PMS1: variants seen among roughly 807,000 people sequenced by gnomAD.
The protein encoded by PMS1 is PMS1 protein homolog 1.
Under a neutral mutation model 93.1 loss-of-function variants are expected in PMS1, and 79 were observed. The ratio of observed to expected loss-of-function variants is 0.85; its 90% CI spans 0.71 to 1.02. The LOEUF (loss-of-function observed/expected upper bound fraction) is 1.02, where lower values mean the gene tolerates loss of function less well. Ranked by LOEUF, PMS1 falls within the 50% of genes least tolerant of loss-of-function variation. PMS1 has a pLI of 0.00. For synonymous variants in PMS1, 335 were observed against 363.4 expected (o/e 0.92, Z 0.89); for missense variants, 1,064 against 1,085.3 (o/e 0.98, Z 0.28).
At chr2:189,849,133 T>G (rs920380562) in intron 6 of PMS1, among the ~76,000 whole-genome samples, 1 of 152,054 alleles carries the variant, frequency 6.6e-6, no homozygotes, top group Non-Finnish European at 1.5e-5. Flanking sequence ...GGACCCCACA[T>G]GGGAAGAACT....
intron 5 of PMS1, among the ~76,000 whole-genome samples, chr2:189,820,336 G>A (rs1433280074): frequency 6.6e-6 from 1 of 151,226 alleles, no homozygotes; most frequent in African/African-American, 2.4e-5. Flanking sequence ...AGAGGGTCTC[G>A]TTCTGTCACC....
At chr2:189,824,694 T>C (rs1008432097) in intron 5 of PMS1, among the ~76,000 whole-genome samples, 6 of 152,090 alleles carry the variant, frequency 3.9e-5, no homozygotes, top group African/African-American at 1.4e-4. Context: ...TTTTTAAAAG[T>C]CTTTTTGTAA....
intron 3 of PMS1, among the ~76,000 whole-genome samples, chr2:189,799,141 G>T (rs1161826372): frequency 6.6e-6 from 1 of 152,100 alleles, no homozygotes; most frequent in African/African-American, 2.4e-5. Context: ...GTGGCCTTGA[G>T]TATAAATAAA....
intron 1 of PMS1, chr2:189,791,573 C>T (rs925016715): frequency 2.4e-5 from 10 of 419,898 alleles, no homozygotes; most frequent in South Asian, 1.5e-4. Flanking sequence ...GTCGAGATCA[C>T]GCCACTGCAC....
Position 189,877,461 on chromosome 2 carries a change from T to A in PMS1, c.*25T>A, listed in dbSNP as rs1261435447. 1 of 1,536,664 alleles carries A rather than the reference T, an allele frequency of 6.5e-7. No homozygotes were observed. Among genetic ancestry groups the A allele is most frequent in the Admixed American group, 1.7e-5 (1 of 59,762 alleles). On this transcript the variant is annotated 3_prime_UTR_variant, in exon 13 of 13. Coordinates refer to ENST00000441310, the MANE Select transcript of PMS1 (RefSeq NM_000534.5). ...ATTAAATATGTTTAAGAAGATTAGT[T>A]ACCATTGAAATTGGTTCTGTCATAA...
intron 1 of PMS1, 122 bp from the exon 2 acceptor site, chr2:189,791,668 G>C: frequency 1.4e-6 from 1 of 690,722 alleles, no homozygotes; most frequent in Non-Finnish European, 2.6e-6. Context: ...GCTAACAGTT[G>C]AGCGTAGCAT....
intron 9 of PMS1, among the ~76,000 whole-genome samples, chr2:189,861,604 C>G (rs2056011544): frequency 6.6e-6 from 1 of 151,892 alleles, no homozygotes; most frequent in Admixed American, 6.6e-5. Flanking sequence ...ACAAAATTAG[C>G]CAGGGGTGGT....
chr2:189,790,222 CATT>C (rs546706562), intron 1 of PMS1, among the ~76,000 whole-genome samples: 8 of 152,262 alleles, frequency 5.3e-5, no homozygotes, highest in East Asian at 3.9e-4. Context: ...TTGAAAAAGA[CATT>C]ATAATTCATC....
At chr2:189,826,988 A>G (rs918965100) in intron 5 of PMS1, among the ~76,000 whole-genome samples, 1 of 152,164 alleles carries the variant, frequency 6.6e-6, no homozygotes, top group Non-Finnish European at 1.5e-5. Flanking sequence ...TTTAGGGAGT[A>G]TATTTTCACT....
intron 3 of PMS1, among the ~76,000 whole-genome samples, chr2:189,803,351 G>A (rs1043877222): frequency 1.3e-5 from 2 of 152,076 alleles, no homozygotes; most frequent in Non-Finnish European, 1.5e-5. Flanking sequence ...ATGATACTGC[G>A]ATTTCTTGAA....
At chr2:189,787,579 AATTAAG>A (rs1240109187) in intron 1 of PMS1, among the ~76,000 whole-genome samples, 33 of 142,924 alleles carry the variant, frequency 2.3e-4, no homozygotes, top group African/African-American at 8.1e-4. Flanking sequence ...CCAAATACGT[AATTAAG>A]ATTAACTTCA....
At chr2:189,871,761 G>T (rs2057168593) in intron 11 of PMS1, among the ~76,000 whole-genome samples, 1 of 152,150 alleles carries the variant, frequency 6.6e-6, no homozygotes, top group South Asian at 2.1e-4. Context: ...TAGTTTGTTT[G>T]TGTTGCTATA....
chr2:189,793,929 G>A (rs1443756149), intron 2 of PMS1, among the ~76,000 whole-genome samples: 1 of 152,024 alleles, frequency 6.6e-6, no homozygotes, highest in Non-Finnish European at 1.5e-5. Flanking sequence ...ACAAATCTTT[G>A]TGTTCTTATT....
In PMS1 at chr2:189,855,119, A is replaced by G. The variant is rs2055173542; in HGVS notation, c.1847A>G (p.Glu616Gly). 6.2e-7 allele frequency: 1 copy of G among 1,612,828 alleles called. No individual in the cohort carries two copies. Among genetic ancestry groups the G allele is most frequent in the Non-Finnish European group, 8.5e-7 (1 of 1,179,164 alleles). The change falls in exon 9 of 13, where the codon GAA (glutamate) becomes GGA (glycine). Residue 616 changes from glutamate to glycine, a missense_variant. Coordinates refer to ENST00000441310, the MANE Select transcript of PMS1 (RefSeq NM_000534.5). ...CTGTGGAAGACATTGAGTGAAGAGG[A>G]AAAACTGAAGTAAGTTTCCAGAGCT... Reference protein sequence around the residue: ...EELWKTLSEEEKLKYEEKATK... With the variant: ...EELWKTLSEEGKLKYEEKATK...
chr2:189,837,299 AT>A (rs1243470117), intron 5 of PMS1, among the ~76,000 whole-genome samples: 8 of 144,618 alleles, frequency 5.5e-5, no homozygotes, highest in South Asian at 2.2e-4. Context: ...CTAATTTTTT[AT>A]TTTTTTTTTA....
chr2:189,864,364 A>G (rs1362507061), intron 10 of PMS1, 136 bp downstream of exon 10: 1 of 763,918 alleles, frequency 1.3e-6, no homozygotes, highest in Admixed American at 2.0e-5. Flanking sequence ...TCTTTTAAAC[A>G]TTTGATTTCT....
At chr2:189,807,400 T>G (rs931362811) in intron 4 of PMS1, among the ~76,000 whole-genome samples, 1 of 152,218 alleles carries the variant, frequency 6.6e-6, no homozygotes, top group African/African-American at 2.4e-5. Context: ...ACAGAAGGCA[T>G]TTTTAAAATA....
chr2:189,840,498 G>T (rs2053735067), intron 5 of PMS1, among the ~76,000 whole-genome samples: 1 of 152,134 alleles, frequency 6.6e-6, no homozygotes, highest in South Asian at 2.1e-4. Flanking sequence ...GCAACTTTAG[G>T]CTAAACTTAA....
chr2:189,795,859 A>T lies in PMS1; in HGVS notation c.223A>T (p.Thr75Ser), dbSNP rs902001045. The T allele has an allele frequency of 6.2e-7, 1 of 1,613,052 alleles. No homozygotes were observed. Among genetic ancestry groups the T allele is most frequent in the Admixed American group, 1.7e-5 (1 of 60,014 alleles). Residue 75 changes from threonine (T) to serine (S), a missense_variant, in exon 3 of 13, where the codon ACC becomes TCC. Physicochemically the swap from Thr to Ser is moderately conservative, Grantham distance 58. Coordinates refer to ENST00000441310, the MANE Select transcript of PMS1 (RefSeq NM_000534.5). ...DAPVMAMKYY[T>S]SKINSHEDLE... Reference sequence around the variant, plus strand: ...ACCTGTAATGGCAATGAAGTACTACACCTCAAAAATAAATAGTCATGAAGA... The same window carrying T: ...ACCTGTAATGGCAATGAAGTACTACTCCTCAAAAATAAATAGTCATGAAGA...
Sources: allele counts gnomAD v4.1 joint callset (sites outside exome capture counted in the v4.1 genomes callset), GRCh38; gene constraint gnomAD v4.1.1; transcripts MANE v1.5; gene names NCBI Gene and HGNC (gene_info 2026-07-23, HGNC 2026-07-21).